Variants in CADPS observed in about 807,000 individuals in gnomAD.
The protein encoded by CADPS is calcium dependent secretion activator.
A neutral mutation model predicts 167.3 loss-of-function variants in CADPS; 57 were observed. That is an observed-to-expected ratio of 0.34 (90% confidence interval 0.28 to 0.42). The LOEUF (loss-of-function observed/expected upper bound fraction) is 0.42, where lower values mean the gene tolerates loss of function less well. CADPS is among the 20% of genes least tolerant of loss of function. The pLI is 1.00. For missense variants in CADPS, 1,414 were observed against 1,738.1 expected (o/e 0.81, Z 3.32); for synonymous variants, 676 against 635.3 (o/e 1.06, Z -0.96).
intron 3 of CADPS, among the ~76,000 whole-genome samples, chr3:62,676,795 C>T (rs1338419952): frequency 6.6e-6 from 1 of 152,108 alleles, no homozygotes; most frequent in Non-Finnish European, 1.5e-5. Context: ...TCTGTCTCTA[C>T]AGCCTGACAT....
At chr3:62,630,727 G>A (rs2065117837) in intron 6 of CADPS, among the ~76,000 whole-genome samples, 1 of 152,138 alleles carries the variant, frequency 6.6e-6, no homozygotes, top group Non-Finnish European at 1.5e-5. Flanking sequence ...CATACAGAGA[G>A]AGTATGTACC....
At position 62,438,400 on chromosome 3, in the gene CADPS, C is replaced by T; in HGVS notation, c.3670-189G>A. 1.9e-6 allele frequency: 1 copy of T among 517,806 alleles called. No individual in the cohort carries two copies. Among genetic ancestry groups the T allele is most frequent in the Non-Finnish European group, 3.5e-6 (1 of 289,648 alleles). 32.1% of individuals were successfully genotyped at this position (517,806 alleles called of 1,614,324 possible). On this transcript the variant is annotated intron_variant, in intron 27 of 29. Coordinates refer to ENST00000383710, the MANE Select transcript of CADPS (RefSeq NM_003716.4). The surrounding 1 kb of genome is among the most constrained non-coding windows in gnomAD (Gnocchi z 4.7). ...TTGATATTAGAACTGCTTCCTCTTT[C>T]CAGAAATCAAGCCTGGCTAAGAAGG...
chr3:62,773,738 C>A (rs1456206497), intron 1 of CADPS, among the ~76,000 whole-genome samples: 1 of 151,708 alleles, frequency 6.6e-6, no homozygotes, highest in African/African-American at 2.4e-5. Flanking sequence ...TATCCTCTTG[C>A]ATACCTCTAC....
At chr3:62,655,452 T>C (rs2071305194) in intron 4 of CADPS, among the ~76,000 whole-genome samples, 1 of 152,206 alleles carries the variant, frequency 6.6e-6, no homozygotes, top group Non-Finnish European at 1.5e-5. Context: ...CATTTATTTT[T>C]GTTTTGGGCT....
chr3:62,852,142 T>C (rs904672055), intron 1 of CADPS, among the ~76,000 whole-genome samples: 2 of 149,932 alleles, frequency 1.3e-5, no homozygotes, highest in African/African-American at 4.9e-5. Context: ...CTTTAAGCAC[T>C]TCTCTGTATT....
chr3:62,822,589 C>T (rs964778974), intron 1 of CADPS, among the ~76,000 whole-genome samples: 1 of 152,190 alleles, frequency 6.6e-6, no homozygotes, highest in African/African-American at 2.4e-5. Flanking sequence ...CGCCTGTAAT[C>T]CCAACACTTT....
Position 62,805,266 on chromosome 3 carries a change from C to T in CADPS, c.442-39282G>A, listed in dbSNP as rs533331921. Among the ~76,000 whole-genome samples the T allele has an allele frequency of 2.0e-5, 3 of 152,282 alleles. No individual in the cohort carries two copies. In the South Asian group the frequency reaches 6.2e-4, roughly 32 times the overall value. ...AATTCATTTGCTAACATTTCTCAAG[C>T]GCTGCTTTCTGTGCCCAGTGTACTG... On this transcript the variant is annotated intron_variant, in intron 1 of 29. Transcript: ENST00000383710.
intron 1 of CADPS, among the ~76,000 whole-genome samples, chr3:62,859,727 A>T (rs996491431): frequency 5.3e-5 from 8 of 152,222 alleles, no homozygotes; most frequent in African/African-American, 1.7e-4. Flanking sequence ...GTCAAAACTC[A>T]TAGGGAGTTG....
intron 1 of CADPS, among the ~76,000 whole-genome samples, chr3:62,859,621 A>T (rs566228557): frequency 5.8e-4 from 88 of 152,332 alleles, no homozygotes; most frequent in Non-Finnish European, 7.8e-4. Context: ...ACAGCAGTAC[A>T]TAGGCTGCCT....
At chr3:62,542,371 A>C (rs186385517) in intron 11 of CADPS, among the ~76,000 whole-genome samples, 14 of 152,148 alleles carry the variant, frequency 9.2e-5, no homozygotes, top group Non-Finnish European at 2.1e-4. Context: ...ACAAGAGTGA[A>C]TGTATGGTTT....
intron 3 of CADPS, among the ~76,000 whole-genome samples, chr3:62,674,081 T>C (rs1381076619): frequency 2.0e-5 from 3 of 152,146 alleles, no homozygotes; most frequent in African/African-American, 7.2e-5. Flanking sequence ...CAAAAGGAAA[T>C]TGAGTTTTCC....
intron 10 of CADPS, among the ~76,000 whole-genome samples, chr3:62,556,756 G>T (rs1398063856): frequency 6.6e-6 from 1 of 151,864 alleles, no homozygotes; most frequent in East Asian, 1.9e-4. Flanking sequence ...ATGCGGTGTA[G>T]AACTTTTAAG....
chr3:62,699,298 A>C (rs1289877271), intron 3 of CADPS, among the ~76,000 whole-genome samples: 1 of 151,798 alleles, frequency 6.6e-6, no homozygotes, highest in African/African-American at 2.4e-5. Context: ...CAGTCTCCCA[A>C]AGTGCTGGGA....
At chr3:62,642,678 G>A (rs895815111) in intron 6 of CADPS, among the ~76,000 whole-genome samples, 21 of 152,240 alleles carry the variant, frequency 1.4e-4, no homozygotes, top group African/African-American at 3.6e-4. Flanking sequence ...AGGATGAGGC[G>A]GGGGCAGGTC....
intron 16 of CADPS, 77 bp from the exon 17 acceptor site, chr3:62,512,845 G>T: frequency 1.6e-6 from 2 of 1,255,884 alleles, no homozygotes; most frequent in South Asian, 2.8e-5. Flanking sequence ...TGAGCAAGTG[G>T]ACCAAAATGC....
In CADPS at chr3:62,593,586, G is replaced by T. The variant is rs529637567; in HGVS notation, c.1326-838C>A. Among the ~76,000 whole-genome samples, 5 of 152,150 alleles carry T rather than the reference G, an allele frequency of 3.3e-5. No individual in the cohort carries two copies. In the East Asian group the frequency reaches 5.8e-4, roughly 18 times the overall value. Reference sequence around the variant, plus strand: ...AGGGCACCTGTTCCATTGCACTCAGGGGGCAATCTGGACCCCTACCTATGG... The same window carrying T: ...AGGGCACCTGTTCCATTGCACTCAGTGGGCAATCTGGACCCCTACCTATGG... On this transcript the variant is annotated intron_variant, in intron 6 of 29. Coordinates refer to ENST00000383710, the MANE Select transcript of CADPS (RefSeq NM_003716.4).
intron 16 of CADPS, chr3:62,513,569 TG>T: frequency 9.4e-7 from 1 of 1,065,660 alleles, no homozygotes; most frequent in Non-Finnish European, 1.4e-6. Context: ...GGTTTGGATC[TG>T]GATTTTCTTG....
intron 1 of CADPS, among the ~76,000 whole-genome samples, chr3:62,801,619 A>G (rs2093767787): frequency 6.6e-6 from 1 of 152,172 alleles, no homozygotes; most frequent in African/African-American, 2.4e-5. Flanking sequence ...TTAATGTTTG[A>G]TTTTAATTTG....
intron 6 of CADPS, among the ~76,000 whole-genome samples, chr3:62,636,468 C>T (rs1288502071): frequency 2.0e-5 from 3 of 152,172 alleles, no homozygotes; most frequent in Non-Finnish European, 4.4e-5. Context: ...TACCAAGGAA[C>T]CCAGGTGACT....
Sources: allele counts gnomAD v4.1 joint callset (sites outside exome capture counted in the v4.1 genomes callset), GRCh38; gene constraint gnomAD v4.1.1; non-coding constraint Gnocchi (gnomAD v3.1); transcripts MANE v1.5; gene names NCBI Gene and HGNC (gene_info 2026-07-23, HGNC 2026-07-21).